PADI2: variants seen among roughly 807,000 people sequenced by gnomAD.
PADI2 encodes the protein protein-arginine deiminase type-2.
A neutral mutation model predicts 81.1 loss-of-function variants in PADI2; 70 were observed. The ratio of observed to expected loss-of-function variants is 0.86; its 90% CI spans 0.71 to 1.05. PADI2 has a LOEUF of 1.05. Among genes scored for constraint, PADI2 ranks in the 50% least tolerant of loss-of-function variants. The pLI, the probability that PADI2 is intolerant of heterozygous loss-of-function variation, is 0.00. For synonymous variants in PADI2, 338 were observed against 358.0 expected (o/e 0.94, Z 0.63); for missense variants, 853 against 889.9 (o/e 0.96, Z 0.53).
chr1:17,097,787 A>G (rs1268991635), intron 3 of PADI2, among the ~76,000 whole-genome samples: 1 of 152,124 alleles, frequency 6.6e-6, no homozygotes, highest in Admixed American at 6.5e-5. Flanking sequence ...GTGCAGGGGC[A>G]GGAATAATAC....
intron 1 of PADI2, among the ~76,000 whole-genome samples, chr1:17,109,389 TAAAAAAAAAA>T (rs566123530): frequency 4.0e-5 from 2 of 50,070 alleles, no homozygotes; most frequent in African/African-American, 1.0e-4. Flanking sequence ...CTCTGTCTAT[TAAAAAAAAAA>T]AAAAAAAAAA....
intron 1 of PADI2, among the ~76,000 whole-genome samples, chr1:17,105,705 A>C (rs553833275): frequency 6.6e-6 from 1 of 152,132 alleles, no homozygotes; most frequent in South Asian, 2.1e-4. Context: ...TTTTTTCAAA[A>C]AAGAAGACTT....
rs988062455 is a variant in PADI2, at chr1:17,104,866, C to G, written c.276+12G>C. The G allele has an allele frequency of 1.3e-6, 2 of 1,554,414 alleles. No homozygotes were observed. The highest frequency in any genetic ancestry group is 3.5e-5 in the Admixed American group (2 of 57,830). On this transcript the variant is annotated intron_variant, in intron 2 of 15. Transcript: ENST00000375486. ...CCCGGGCCCGCAGAGGCTGGACTTC[C>G]CGCCGTGGTACCTTGTCACTGCTGG...
intron 1 of PADI2, 21 bp from the exon 2 acceptor site, chr1:17,105,082 G>A (rs1455658907): frequency 3.3e-6 from 5 of 1,513,470 alleles, no homozygotes; most frequent in Non-Finnish European, 4.5e-6. Flanking sequence ...AGATGAGAGA[G>A]GGTTAGGGAG....
intron 9 of PADI2, chr1:17,082,892 A>C: frequency 2.4e-6 from 1 of 411,118 alleles, no homozygotes. Flanking sequence ...TTTTTTTGAG[A>C]CAGGGTCTCA....
intron 6 of PADI2, 122 bp downstream of exon 6, chr1:17,092,286 A>T: frequency 4.3e-6 from 3 of 696,788 alleles, no homozygotes; most frequent in Non-Finnish European, 7.1e-6. Flanking sequence ...GCCATGTTAC[A>T]ATCACTCAGA....
intron 3 of PADI2, among the ~76,000 whole-genome samples, chr1:17,096,618 A>T (rs1930942936): frequency 6.6e-6 from 1 of 152,162 alleles, no homozygotes; most frequent in Admixed American, 6.5e-5. Flanking sequence ...CCAGGCCCCC[A>T]CTTATCCCTT....
chr1:17,073,433 A>T (rs1413028642), intron 13 of PADI2, among the ~76,000 whole-genome samples: 7 of 144,118 alleles, frequency 4.9e-5, no homozygotes, highest in Non-Finnish European at 9.2e-5. Context: ...AAAAAAAAAA[A>T]GTATAACGGA....
intron 1 of PADI2, among the ~76,000 whole-genome samples, chr1:17,112,126 TG>T (rs1931598133): frequency 6.6e-6 from 1 of 151,706 alleles, no homozygotes; most frequent in African/African-American, 2.4e-5. Flanking sequence ...ACAGAGGAAG[TG>T]GGGAGGAGGT....
intron 8 of PADI2, 55 bp downstream of exon 8, chr1:17,084,544 C>G (rs2078370794): frequency 2.8e-6 from 3 of 1,080,788 alleles, no homozygotes; most frequent in Non-Finnish European, 4.1e-6. Context: ...GTCCATCTGA[C>G]TCGGCCCTTG....
At chr1:17,086,235 G>A (rs931546803) in intron 7 of PADI2, among the ~76,000 whole-genome samples, 2 of 152,166 alleles carry the variant, frequency 1.3e-5, no homozygotes, top group Admixed American at 1.3e-4. Context: ...ACCTAGGCAG[G>A]GAGCAGGGCA....
Position 17,067,208 on chromosome 1 carries a change from A to T in PADI2, c.*1836T>A, listed in dbSNP as rs1557753939. 1 of 119,838 alleles carries T rather than the reference A, an allele frequency of 8.3e-6. No individual in the cohort carries two copies. The highest frequency in any genetic ancestry group is 3.5e-5 in the African/African-American group (1 of 28,204). The allele number at this position is 119,838 out of a possible 1,614,324, so 7.4% of individuals were successfully genotyped here. A position where few individuals can be genotyped will look rare whatever the true frequency, so the allele number is the denominator to read the frequency against. On this transcript the variant is annotated 3_prime_UTR_variant, in exon 16 of 16. Coordinates refer to ENST00000375486, the MANE Select transcript of PADI2 (RefSeq NM_007365.3). ...ACTTCCCCCTAATGTAGACTAAAAA[A>T]AAAAAGAAAAAAAAGAAAGAAAACC... is the stretch of plus-strand genomic sequence containing the variant.
chr1:17,079,843 G>T (rs902815050), intron 10 of PADI2, among the ~76,000 whole-genome samples: 1 of 150,962 alleles, frequency 6.6e-6, no homozygotes, highest in Non-Finnish European at 1.5e-5. Context: ...CGCCCAGGCT[G>T]GAGTGCGGTG....
intron 4 of PADI2, 81 bp from the exon 5 acceptor site, chr1:17,093,765 G>A (rs1930796866): frequency 2.3e-6 from 2 of 854,456 alleles, no homozygotes; most frequent in African/African-American, 1.7e-5. Context: ...GATAGCCCCA[G>A]GATGAGGGTA....
At chr1:17,090,838 G>T (rs1930666155) in intron 6 of PADI2, among the ~76,000 whole-genome samples, 1 of 151,920 alleles carries the variant, frequency 6.6e-6, no homozygotes, top group Non-Finnish European at 1.5e-5. Flanking sequence ...TGAGATTATG[G>T]AACCAGACCA....
intron 3 of PADI2, among the ~76,000 whole-genome samples, chr1:17,096,611 G>A (rs1468013601): frequency 6.6e-6 from 1 of 152,234 alleles, no homozygotes; most frequent in African/African-American, 2.4e-5. Flanking sequence ...TCCAGGGCCA[G>A]GCCCCCACTT....
At chr1:17,111,356 A>T (rs554975938) in intron 1 of PADI2, among the ~76,000 whole-genome samples, 10 of 152,092 alleles carry the variant, frequency 6.6e-5, no homozygotes, top group African/African-American at 2.4e-4. Context: ...CAGCCTCCCA[A>T]AGTGCTGGGA....
At chr1:17,075,960 G>T (rs1377528546) in intron 11 of PADI2, 137 bp from the exon 12 acceptor site, 9 of 779,904 alleles carry the variant, frequency 1.2e-5, no homozygotes, top group Non-Finnish European at 1.9e-5. Flanking sequence ...GACTAGGTTG[G>T]GTTAAGAGAC....
intron 1 of PADI2, among the ~76,000 whole-genome samples, chr1:17,112,797 C>T (rs1270141731): frequency 6.6e-6 from 1 of 152,224 alleles, no homozygotes; most frequent in Non-Finnish European, 1.5e-5. Context: ...TATAGCTACT[C>T]CTCTCCTCAG....
Sources: allele counts gnomAD v4.1 joint callset (sites outside exome capture counted in the v4.1 genomes callset), GRCh38; gene constraint gnomAD v4.1.1; transcripts MANE v1.5; gene names NCBI Gene and HGNC (gene_info 2026-07-23, HGNC 2026-07-21).